KCNQ3: variants seen among roughly 807,000 people sequenced by gnomAD.
The protein encoded by KCNQ3 is potassium voltage-gated channel subfamily Q member 3, also known as potassium voltage-gated channel subfamily KQT member 3.
In KCNQ3, 30 loss-of-function variants were observed where a neutral mutation model predicts 92.5. That is an observed-to-expected ratio of 0.32 (90% CI 0.24 to 0.44). The LOEUF is 0.44. Among genes scored for constraint, KCNQ3 ranks in the 20% least tolerant of loss-of-function variants. The pLI, the probability that KCNQ3 is intolerant of heterozygous loss-of-function variation, is 1.00. For synonymous variants in KCNQ3, 450 were observed against 468.8 expected (o/e 0.96, Z 0.52); for missense variants, 913 against 1,140.3 (o/e 0.80, Z 2.87).
intron 1 of KCNQ3, among the ~76,000 whole-genome samples, chr8:132,374,740 A>G (rs192991265): frequency 1.6e-4 from 25 of 152,130 alleles, no homozygotes; most frequent in Non-Finnish European, 1.3e-4. Flanking sequence ...ACGTTTTCTC[A>G]TCATTTAGCT....
At chr8:132,210,202 C>T (rs113634319) in intron 1 of KCNQ3, among the ~76,000 whole-genome samples, 18 of 152,274 alleles carry the variant, frequency 1.2e-4, no homozygotes, top group African/African-American at 4.3e-4. Context: ...TTTAAACTTC[C>T]TCATGTGATA....
At chr8:132,316,763 G>C (rs1817754505) in intron 1 of KCNQ3, among the ~76,000 whole-genome samples, 1 of 152,216 alleles carries the variant, frequency 6.6e-6, no homozygotes, top group African/African-American at 2.4e-5. Context: ...CTACGAACCA[G>C]ACACTGCTGT....
intron 1 of KCNQ3, 54 bp from the exon 2 acceptor site, chr8:132,186,235 G>A (rs1161908071): frequency 7.5e-7 from 1 of 1,340,088 alleles, no homozygotes. Flanking sequence ...GGCTTGCTTT[G>A]AGGCTAAGAT....
At chr8:132,226,693 T>C (rs568432068) in intron 1 of KCNQ3, among the ~76,000 whole-genome samples, 1 of 152,084 alleles carries the variant, frequency 6.6e-6, no homozygotes, top group South Asian at 2.1e-4. Flanking sequence ...GACAGCAGGG[T>C]ATCAAGTGTC....
At chr8:132,171,519 C>T (rs1451993814) in intron 7 of KCNQ3, among the ~76,000 whole-genome samples, 3 of 152,318 alleles carry the variant, frequency 2.0e-5, no homozygotes, top group Middle Eastern at 3.4e-3. Flanking sequence ...CTCACTGCTC[C>T]CTGCAACCCC....
rs560337432 is a variant in KCNQ3, at chr8:132,298,698, G to A, written c.387-112517C>T. Among the ~76,000 whole-genome samples the A allele has an allele frequency of 2.0e-5, 3 of 152,332 alleles. No homozygotes were observed. The South Asian group carries it at 6.2e-4, about 32-fold the overall frequency. On this transcript the variant is annotated intron_variant, in intron 1 of 14. Transcript: ENST00000388996. Reference sequence around the variant, plus strand: ...CAAGGCAGGCGATCACCTGAGGTCAGGAGTTTGAGACCAGCCTGGCCAACA... The same window carrying A: ...CAAGGCAGGCGATCACCTGAGGTCAAGAGTTTGAGACCAGCCTGGCCAACA...
chr8:132,350,347 G>T (rs752449918), intron 1 of KCNQ3, among the ~76,000 whole-genome samples: 5 of 152,158 alleles, frequency 3.3e-5, no homozygotes, highest in Non-Finnish European at 7.3e-5. Context: ...ACTCGCCCTA[G>T]CTGGTGCCAC....
At chr8:132,326,406 C>G (rs1818053470) in intron 1 of KCNQ3, among the ~76,000 whole-genome samples, 1 of 152,090 alleles carries the variant, frequency 6.6e-6, no homozygotes, top group South Asian at 2.1e-4. Context: ...GTGTTAGGCA[C>G]AGTGCAAGAG....
intron 1 of KCNQ3, among the ~76,000 whole-genome samples, chr8:132,369,423 C>G (rs543361679): frequency 2.0e-5 from 3 of 152,078 alleles, no homozygotes; most frequent in Admixed American, 2.0e-4. Context: ...AGCAACGATG[C>G]CCCAGTAGCA....
chr8:132,342,782 T>G (rs1038162941), intron 1 of KCNQ3, among the ~76,000 whole-genome samples: 18 of 152,234 alleles, frequency 1.2e-4, no homozygotes, highest in Non-Finnish European at 2.2e-4. Flanking sequence ...TATTTTACAA[T>G]AAATGTGTTT....
intron 1 of KCNQ3, among the ~76,000 whole-genome samples, chr8:132,259,023 G>A (rs988697310): frequency 7.9e-5 from 12 of 151,934 alleles, no homozygotes; most frequent in African/African-American, 2.9e-4. Context: ...AACCATCCTT[G>A]CCCCATGAAA....
intron 1 of KCNQ3, among the ~76,000 whole-genome samples, chr8:132,271,234 G>C (rs1816138143): frequency 1.3e-5 from 2 of 152,230 alleles, no homozygotes; most frequent in South Asian, 2.1e-4. Context: ...GCCACAGGGT[G>C]GTCAAGGGCA....
intron 1 of KCNQ3, among the ~76,000 whole-genome samples, chr8:132,362,589 C>T (rs1276877959): frequency 6.6e-6 from 1 of 152,158 alleles, no homozygotes; most frequent in African/African-American, 2.4e-5. Context: ...TTTGTGCTTG[C>T]TCCTGAGTAA....
chr8:132,220,814 T>C (rs1435138938), intron 1 of KCNQ3, among the ~76,000 whole-genome samples: 3 of 151,626 alleles, frequency 2.0e-5, no homozygotes, highest in African/African-American at 4.8e-5. Flanking sequence ...CATGAAACTT[T>C]TTTTTATTTT....
At chr8:132,182,827 AACG>A (rs1370543352) in intron 3 of KCNQ3, among the ~76,000 whole-genome samples, 1 of 152,114 alleles carries the variant, frequency 6.6e-6, no homozygotes, top group Non-Finnish European at 1.5e-5. Context: ...AAAGAGGGCA[AACG>A]AAGAGAGAAG....
intron 1 of KCNQ3, among the ~76,000 whole-genome samples, chr8:132,453,214 G>C (rs563776398): frequency 6.6e-6 from 1 of 152,304 alleles, no homozygotes; most frequent in African/African-American, 2.4e-5. Context: ...GTGGGCAAGG[G>C]CTGGATCATC....
chr8:132,212,777 C>T (rs1271913673), intron 1 of KCNQ3, among the ~76,000 whole-genome samples: 1 of 152,230 alleles, frequency 6.6e-6, no homozygotes, highest in East Asian at 1.9e-4. Context: ...ACCTCCACTG[C>T]TGTCACTATC....
intron 1 of KCNQ3, among the ~76,000 whole-genome samples, chr8:132,231,979 C>T (rs1390259000): frequency 6.6e-6 from 1 of 152,188 alleles, no homozygotes; most frequent in East Asian, 1.9e-4. Context: ...TTCCTTATAC[C>T]TCCCTACTGG....
intron 1 of KCNQ3, among the ~76,000 whole-genome samples, chr8:132,379,138 G>A (rs188426065): frequency 4.3e-4 from 65 of 152,148 alleles, no homozygotes; most frequent in African/African-American, 1.1e-3. Flanking sequence ...ATTTATAACC[G>A]GGTTTATGTG....
Sources: gnomAD v4.1 joint callset for allele counts (sites outside exome capture counted in the v4.1 genomes callset) on GRCh38, gnomAD v4.1.1 for gene constraint, MANE v1.5 for transcripts, NCBI Gene and HGNC (gene_info 2026-07-23, HGNC 2026-07-21) for gene names.